The following SHF variants were observed in gnomAD, a reference collection of about 807,000 sequenced individuals.
The protein encoded by SHF is Src homology 2 domain containing F.
SHF carries 30 observed loss-of-function variants against 42.4 expected under a neutral mutation model. The observed-to-expected ratio is 0.71, with a 90% CI of 0.53 to 0.96. SHF has a LOEUF of 0.96. SHF is among the 40% of genes least tolerant of loss of function. The pLI is 0.00. For missense variants in SHF, 598 were observed against 634.0 expected (o/e 0.94, Z 0.61); for synonymous variants, 264 against 269.9 (o/e 0.98, Z 0.21).
exon 2 of SHF, chr15:45,198,851 T>C (rs748252187): frequency 6.2e-7 from 1 of 1,613,892 alleles, no homozygotes; most frequent in Non-Finnish European, 8.5e-7. Flanking sequence ...CTTCTTCTGT[T>C]TTGGCCCATT....
intron 1 of SHF, among the ~76,000 whole-genome samples, chr15:45,179,503 C>G (rs895116906): frequency 6.6e-6 from 1 of 152,364 alleles, no homozygotes; most frequent in East Asian, 1.9e-4. Context: ...CACGGCCACT[C>G]CTCTATGCCT....
chr15:45,176,841 A>C (rs1366320460), intron 2 of SHF, among the ~76,000 whole-genome samples: 1 of 152,180 alleles, frequency 6.6e-6, no homozygotes, highest in Non-Finnish European at 1.5e-5. Flanking sequence ...ACACCCTCTG[A>C]CCTAAATGGG....
chr15:45,179,955 T>G (rs1257123366), intron 1 of SHF, among the ~76,000 whole-genome samples: 1 of 152,134 alleles, frequency 6.6e-6, no homozygotes, highest in Non-Finnish European at 1.5e-5. Context: ...CCCTTCTGCA[T>G]GTTCCTTCCA....
intron 2 of SHF, among the ~76,000 whole-genome samples, chr15:45,196,563 C>CT (rs371629245): frequency 3.3e-5 from 5 of 152,238 alleles, no homozygotes; most frequent in African/African-American, 1.2e-4. Context: ...AAGTCAGTTG[C>CT]TTTTACCAAC....
chr15:45,198,667 A>G (rs557314288), intron 2 of SHF: 5 of 1,442,304 alleles, frequency 3.5e-6, no homozygotes, highest in Admixed American at 2.1e-5. Flanking sequence ...TAACCACTAT[A>G]CGATCACGGC....
intron 2 of SHF, among the ~76,000 whole-genome samples, chr15:45,197,073 A>T (rs972450544): frequency 7.2e-5 from 11 of 152,100 alleles, no homozygotes; most frequent in African/African-American, 1.7e-4. Context: ...ATTTGATATT[A>T]AAAAACATGA....
intron 2 of SHF, chr15:45,198,451 T>A (rs1305943205): frequency 3.3e-6 from 1 of 303,896 alleles, no homozygotes; most frequent in Non-Finnish European, 6.2e-6. Context: ...GAGCATTACA[T>A]GAGAGTTACT....
rs990865458 is a variant in SHF at position 45,187,535 on chromosome 15, G to A, written c.417C>T (p.Arg139=). 1.6e-6 allele frequency: 2 copies of A among 1,230,280 alleles called. No homozygotes were observed. Among genetic ancestry groups the A allele is most frequent in the Non-Finnish European group, 2.0e-6 (2 of 986,268 alleles). The allele number at this position is 1,230,280 out of a possible 1,614,324, so 76.2% of individuals were successfully genotyped here. The change falls in exon 1 of 7, where the codon CGC becomes CGT. Residue 139 remains arginine, a synonymous_variant. Coordinates refer to ENST00000690270, the MANE Select transcript of SHF (RefSeq NM_001394037.1). ...PPPRHGSPPH[R]LIRVETPGPP... ...GCCCCGGGGTCTCGACCCGAATAAG[G>A]CGGTGTGGGGGAGAGCCGTGGCGCG...
chr15:45,169,499 C>T (rs1185403600), intron 6 of SHF, among the ~76,000 whole-genome samples: 1 of 152,134 alleles, frequency 6.6e-6, no homozygotes, highest in Non-Finnish European at 1.5e-5. Context: ...GGGAAAGGAG[C>T]CAAGGGCCTG....
Position 45,187,784 on chromosome 15 carries a change from G to T in SHF, c.168C>A (p.Gly56=). The change falls in exon 1 of 7, where the codon GGC becomes GGA. Residue 56 remains glycine, a synonymous_variant. Coordinates refer to ENST00000690270, the MANE Select transcript of SHF (RefSeq NM_001394037.1). Reference sequence around the variant, plus strand: ...CTCCGCCGCCGCCCCCCCCGCGGAAGCCCAGGTGCTCCCGGAGCCACTTGG... The same window carrying T: ...CTCCGCCGCCGCCCCCCCCGCGGAATCCCAGGTGCTCCCGGAGCCACTTGG... ...GVAKWLREHL[G]FRGGGGGGGG... 1 of 835,302 alleles carries T rather than the reference G, an allele frequency of 1.2e-6. No individual in the cohort carries two copies. Among genetic ancestry groups the T allele is most frequent in the Non-Finnish European group, 1.6e-6 (1 of 635,618 alleles). 51.7% of individuals were successfully genotyped at this position (835,302 alleles called of 1,614,324 possible).
At chr15:45,182,829 C>T (rs1253651180) in intron 1 of SHF, among the ~76,000 whole-genome samples, 3 of 152,206 alleles carry the variant, frequency 2.0e-5, no homozygotes, top group South Asian at 2.1e-4. Flanking sequence ...ACTTTTTATA[C>T]CCATTGTTCC....
intron 1 of SHF, chr15:45,199,259 T>A: frequency 1.5e-6 from 1 of 663,102 alleles, no homozygotes; most frequent in Non-Finnish European, 2.4e-6. Context: ...GCTTCCGCCG[T>A]GCCAGGTGCC....
intron 6 of SHF, 30 bp downstream of exon 6, chr15:45,171,853 G>C (rs1379738266): frequency 1.2e-6 from 2 of 1,605,342 alleles, no homozygotes; most frequent in Non-Finnish European, 1.7e-6. Context: ...CCTGCTTGCT[G>C]TCCCTGAAAC....
At position 45,172,249 on chromosome 15, in the gene SHF, C is replaced by T. The variant is rs770868920; in HGVS notation, c.1058G>A (p.Arg353Gln). 5.0e-6 allele frequency: 8 copies of T among 1,613,366 alleles called. No individual in the cohort carries two copies. Among genetic ancestry groups the T allele is most frequent in the South Asian group, 1.1e-5 (1 of 91,050 alleles). Residue 353 changes from arginine (R) to glutamine (Q), a missense_variant, in exon 5 of 7, where the codon CGA (arginine) becomes CAA (glutamine). Arg to Gln is a conservative substitution (Grantham distance 43). Around this residue, in one of 2 missense-constraint regions of SHF, gnomAD observed 439 missense variants for 524.6 expected, o/e 0.84. Coordinates refer to ENST00000690270, the MANE Select transcript of SHF (RefSeq NM_001394037.1). The part of the protein sequence containing the change: ...GREEKGRLPP[R>Q]LSAGNPKSAK... Reference sequence around the variant, plus strand: ...TGACTTGGGGTTCCCTGCAGAGAGTCGGGGAGGTAGCCGCCCCTTCTCCTC... The same window carrying T: ...TGACTTGGGGTTCCCTGCAGAGAGTTGGGGAGGTAGCCGCCCCTTCTCCTC...
intron 2 of SHF, 54 bp downstream of exon 2, chr15:45,178,111 C>T: frequency 3.8e-6 from 6 of 1,569,554 alleles, no homozygotes; most frequent in African/African-American, 1.4e-5. Context: ...GTCGCAAAGC[C>T]TGTTCTGCAG....
At chr15:45,196,424 G>A (rs1320755163) in intron 2 of SHF, among the ~76,000 whole-genome samples, 2 of 152,154 alleles carry the variant, frequency 1.3e-5, no homozygotes, top group Non-Finnish European at 2.9e-5. Context: ...AAGATCTGGT[G>A]CATTAGGCTT....
intron 6 of SHF, among the ~76,000 whole-genome samples, chr15:45,168,464 C>T (rs918480610): frequency 6.6e-6 from 1 of 152,220 alleles, no homozygotes; most frequent in Non-Finnish European, 1.5e-5. Context: ...GGCACCCCGG[C>T]CCTCCAGCCT....
intron 2 of SHF, among the ~76,000 whole-genome samples, chr15:45,193,385 C>T (rs1030778915): frequency 6.6e-6 from 1 of 152,130 alleles, no homozygotes; most frequent in Non-Finnish European, 1.5e-5. Context: ...AGGGGGCTTC[C>T]AGTTCATAGG....
At chr15:45,188,041 G>A (rs975813978), upstream of SHF, 1 of 357,296 alleles carries the variant, frequency 2.8e-6, no homozygotes, top group Non-Finnish European at 4.5e-6. Flanking sequence ...GCCGGGCGGG[G>A]AGGGGGCGGG....
Sources: gnomAD v4.1 joint callset for allele counts (sites outside exome capture counted in the v4.1 genomes callset) on GRCh38, gnomAD v4.1.1 for gene constraint, gnomAD v4.1.1 regional missense constraint, MANE v1.5 for transcripts, NCBI Gene and HGNC (gene_info 2026-07-23, HGNC 2026-07-21) for gene names.